Variants in PTPN4 observed in about 807,000 individuals in gnomAD.
PTPN4 encodes the protein protein tyrosine phosphatase non-receptor type 4, also known as tyrosine-protein phosphatase non-receptor type 4.
In PTPN4, 49 loss-of-function variants were observed where a neutral mutation model predicts 135.5. That is an observed-to-expected ratio of 0.36 (90% CI 0.29 to 0.46). The LOEUF (loss-of-function observed/expected upper bound fraction) is 0.46, where lower values mean the gene tolerates loss of function less well. Among genes scored for constraint, PTPN4 ranks in the 20% least tolerant of loss-of-function variants. PTPN4 has a pLI of 1.00. For missense variants in PTPN4, 860 were observed against 1,101.0 expected, an observed-to-expected ratio of 0.78 and a Z score of 3.10; for synonymous variants, 333 against 369.9, an observed-to-expected ratio of 0.90 and a Z score of 1.14.
chr2:119,910,038 A>G (rs1274450979), intron 10 of PTPN4, among the ~76,000 whole-genome samples: 2 of 152,164 alleles, frequency 1.3e-5, no homozygotes, highest in African/African-American at 4.8e-5. Context: ...TTAAATGACA[A>G]CAAAGAATAT....
chr2:119,882,655 C>T (rs779042801), intron 8 of PTPN4, 32 bp downstream of exon 8: 2 of 1,447,104 alleles, frequency 1.4e-6, no homozygotes, highest in South Asian at 1.3e-5. Context: ...ATTTGATAAA[C>T]TTCTTAATGG....
intron 1 of PTPN4, among the ~76,000 whole-genome samples, chr2:119,775,646 A>G (rs1006792960): frequency 7.2e-5 from 11 of 152,188 alleles, no homozygotes; most frequent in African/African-American, 2.7e-4. Flanking sequence ...GGAGGATTAC[A>G]GTATTGAAGA....
At chr2:119,881,647 A>G in intron 5 of PTPN4, 139 bp from the exon 6 acceptor site, 1 of 570,470 alleles carries the variant, frequency 1.8e-6, no homozygotes, top group South Asian at 3.5e-5. Context: ...TTTTTAAACT[A>G]CTTTACATGT....
chr2:119,854,320 C>T (rs1327775413), intron 2 of PTPN4, among the ~76,000 whole-genome samples: 4 of 152,150 alleles, frequency 2.6e-5, no homozygotes, highest in African/African-American at 9.7e-5. Context: ...GCTGGCCTGG[C>T]TTTTTAAGCT....
At position 119,890,028 on chromosome 2, in the gene PTPN4, T is replaced by C. The variant is rs1678218624; in HGVS notation, c.675+4146T>C. Among the ~76,000 whole-genome samples, 4 of 152,342 alleles carry C rather than the reference T, an allele frequency of 2.6e-5. No individual in the cohort carries two copies. The South Asian group carries it at 8.3e-4, about 32-fold the overall frequency. On this transcript the variant is annotated intron_variant, in intron 9 of 26. Coordinates refer to ENST00000263708, the MANE Select transcript of PTPN4 (RefSeq NM_002830.4). ...GAATGTTCTGTAAGTGTCTGTTTGG[T>C]CCATTTGATCTAATGTTCAGTTTAA...
At chr2:119,875,846 G>C (rs1677975886) in intron 3 of PTPN4, among the ~76,000 whole-genome samples, 1 of 152,044 alleles carries the variant, frequency 6.6e-6, no homozygotes, top group African/African-American at 2.4e-5. Flanking sequence ...TAATGAAGGA[G>C]TCAGACAAAA....
intron 19 of PTPN4, 135 bp from the exon 20 acceptor site, chr2:119,955,022 C>G (rs1441217258): frequency 3.9e-6 from 3 of 774,148 alleles, no homozygotes; most frequent in Non-Finnish European, 5.8e-6. Context: ...TGACACCAGA[C>G]TCAGATCTGG....
intron 2 of PTPN4, among the ~76,000 whole-genome samples, chr2:119,820,928 C>T (rs560753612): frequency 1.6e-3 from 249 of 151,108 alleles, no homozygotes; most frequent in Non-Finnish European, 3.1e-3. Flanking sequence ...TATGTATACA[C>T]GTATACATGT....
intron 1 of PTPN4, among the ~76,000 whole-genome samples, chr2:119,782,525 A>G (rs1690960460): frequency 1.3e-5 from 2 of 152,166 alleles, no homozygotes; most frequent in African/African-American, 4.8e-5. Context: ...ATTATAGATC[A>G]CAAAAAGTTC....
intron 26 of PTPN4, among the ~76,000 whole-genome samples, chr2:119,973,960 A>G (rs986500888): frequency 6.6e-6 from 1 of 152,012 alleles, no homozygotes; most frequent in African/African-American, 2.4e-5. Flanking sequence ...TTCTGTCTTT[A>G]TTAGCTGGAC....
intron 13 of PTPN4, among the ~76,000 whole-genome samples, chr2:119,927,350 A>AT (rs1260750674): frequency 2.2e-5 from 3 of 137,950 alleles, no homozygotes; most frequent in Non-Finnish European, 4.8e-5. Flanking sequence ...ACCTCAGGTG[A>AT]TCCCCCCCAC....
In PTPN4 at chr2:119,979,304, C is replaced by A. The variant is rs1171394417; in HGVS notation, c.*2234C>A. The A allele has an allele frequency of 1.3e-5, 2 of 152,038 alleles. No individual in the cohort carries two copies. Among genetic ancestry groups the A allele is most frequent in the African/African-American group, 2.4e-5 (1 of 41,432 alleles). The allele number at this position is 152,038 out of a possible 1,614,324, so 9.4% of individuals were successfully genotyped here. A position where few individuals can be genotyped will look rare whatever the true frequency, so the allele number is the denominator to read the frequency against. ...AGACAAAAGTCATGGTTGGCATGTT[C>A]TTTAATTTAGGGCCTTGTTTATACT... On this transcript the variant is annotated 3_prime_UTR_variant, in exon 27 of 27. Transcript: ENST00000263708.
At position 119,760,166 on chromosome 2, in the gene PTPN4, C is replaced by T. The variant is rs1690452722; in HGVS notation, c.-236C>T. On this transcript the variant is annotated 5_prime_UTR_variant, in exon 1 of 27. Coordinates refer to ENST00000263708, the MANE Select transcript of PTPN4 (RefSeq NM_002830.4). ...GTAGGAGAGGTCGCCGGCTGCCCGC[C>T]TCCCTGCCACCTCCCCAGCGGCGCC... 2 of 393,682 alleles carry T rather than the reference C, an allele frequency of 5.1e-6. No individual in the cohort carries two copies. The highest frequency in any genetic ancestry group is 9.0e-6 in the Non-Finnish European group (2 of 223,130). The allele number at this position is 393,682 out of a possible 1,614,324, so 24.4% of individuals were successfully genotyped here. A position where few individuals can be genotyped will look rare whatever the true frequency, so the allele number is the denominator to read the frequency against.
At chr2:119,954,497 G>A (rs1241494678) in intron 19 of PTPN4, among the ~76,000 whole-genome samples, 1 of 152,156 alleles carries the variant, frequency 6.6e-6, no homozygotes, top group African/African-American at 2.4e-5. Flanking sequence ...CCCAGAAGGT[G>A]GCTAAGAGGC....
chr2:119,801,744 G>A (rs1477099074), intron 1 of PTPN4, among the ~76,000 whole-genome samples: 1 of 152,110 alleles, frequency 6.6e-6, no homozygotes, highest in Non-Finnish European at 1.5e-5. Flanking sequence ...GTATGTTGAT[G>A]TATTGGGTGA....
chr2:119,809,812 G>T, intron 1 of PTPN4, 25 bp from the exon 2 acceptor site: 4 of 1,510,252 alleles, frequency 2.6e-6, no homozygotes, highest in East Asian at 2.3e-5. Context: ...CTTTTATTTA[G>T]TGAATTTTTT....
At chr2:119,773,719 G>C (rs1420169275) in intron 1 of PTPN4, among the ~76,000 whole-genome samples, 2 of 136,204 alleles carry the variant, frequency 1.5e-5, no homozygotes, top group African/African-American at 5.4e-5. Context: ...CTGGGTGACA[G>C]AGCAAGACTC....
chr2:119,844,362 A>G (rs1309827739), intron 2 of PTPN4, among the ~76,000 whole-genome samples: 2 of 50,082 alleles, frequency 4.0e-5, no homozygotes, highest in East Asian at 8.1e-4. Flanking sequence ...CCCCCCCCCC[A>G]CCTCCCTCCC....
At chr2:119,762,072 G>A (rs1232394868) in intron 1 of PTPN4, among the ~76,000 whole-genome samples, 1 of 151,892 alleles carries the variant, frequency 6.6e-6, no homozygotes, top group East Asian at 1.9e-4. Flanking sequence ...TTCTAATTTA[G>A]GCTAGGCATA....
Sources: allele counts gnomAD v4.1 joint callset (sites outside exome capture counted in the v4.1 genomes callset), GRCh38; gene constraint gnomAD v4.1.1; transcripts MANE v1.5; gene names NCBI Gene and HGNC (gene_info 2026-07-23, HGNC 2026-07-21).